Variants in SEMA3D observed in about 807,000 individuals in gnomAD.
SEMA3D encodes the protein semaphorin-3D.
SEMA3D carries 84 observed loss-of-function variants against 100.1 expected under a neutral mutation model. The observed-to-expected ratio is 0.84, with a 90% confidence interval of 0.70 to 1.01. SEMA3D has a LOEUF of 1.01. Among genes scored for constraint, SEMA3D ranks in the 50% least tolerant of loss-of-function variants. The pLI, the probability that SEMA3D is intolerant of heterozygous loss-of-function variation, is 0.00. For synonymous variants in SEMA3D, 312 were observed against 320.7 expected (o/e 0.97, Z 0.29); for missense variants, 875 against 934.1 (o/e 0.94, Z 0.82).
intron 2 of SEMA3D, among the ~76,000 whole-genome samples, chr7:85,145,796 A>G (rs1489091917): frequency 6.6e-6 from 1 of 152,164 alleles, no homozygotes; most frequent in Admixed American, 6.5e-5. Flanking sequence ...CTTGGATACC[A>G]AAATCTGCTG....
intron 1 of SEMA3D, chr7:85,181,639 A>G (rs1051418697): frequency 2.4e-4 from 44 of 185,824 alleles, no homozygotes; most frequent in African/African-American, 9.8e-4. Context: ...CTAACTCTCT[A>G]CTCCTGAAGT....
At position 85,097,709 on chromosome 7, in the gene SEMA3D, G is replaced by A. The variant is rs902440417; in HGVS notation, c.312+96C>T. The A allele has an allele frequency of 4.4e-6, 3 of 682,386 alleles. No individual in the cohort carries two copies. The African/African-American group carries it at 5.5e-5, about 13-fold the overall frequency. The allele number at this position is 682,386 out of a possible 1,614,324, so 42.3% of individuals were successfully genotyped here. A position where few individuals can be genotyped will look rare whatever the true frequency, so the allele number is the denominator to read the frequency against. On this transcript the variant is annotated intron_variant, in intron 4 of 18. Transcript: ENST00000284136. ...GACATGTATGTGATGCACTGCATTT[G>A]ACACTGTGTCCCTTAAAACAAAGCA...
chr7:85,163,638 T>A (rs189368579), intron 1 of SEMA3D, among the ~76,000 whole-genome samples: 3 of 152,206 alleles, frequency 2.0e-5, no homozygotes, highest in Admixed American at 2.0e-4. Context: ...CCAAGACAAT[T>A]TACTATGAAA....
At chr7:85,237,811 A>T in the SEMA3D span, among the ~76,000 whole-genome samples, 1 of 152,190 alleles carries the variant, frequency 6.6e-6, no homozygotes, top group Admixed American at 6.5e-5. Flanking sequence ...TAAAGAATGC[A>T]ATGACTGGAT....
chr7:85,129,286 C>A (rs1235812674), intron 2 of SEMA3D, among the ~76,000 whole-genome samples: 1 of 152,046 alleles, frequency 6.6e-6, no homozygotes, highest in Non-Finnish European at 1.5e-5. Context: ...GAGAAGAGCA[C>A]AACACCTACA....
chr7:85,114,488 G>T (rs1208714471), intron 3 of SEMA3D, among the ~76,000 whole-genome samples: 1 of 152,098 alleles, frequency 6.6e-6, no homozygotes, highest in Non-Finnish European at 1.5e-5. Context: ...TAACAAAGGT[G>T]ACTACTCTAT....
chr7:85,216,100 A>T, the SEMA3D span, among the ~76,000 whole-genome samples: 3 of 152,078 alleles, frequency 2.0e-5, no homozygotes, highest in Admixed American at 6.6e-5. Flanking sequence ...TTCATCAGAG[A>T]TGTCTTAAAA....
At chr7:85,220,713 A>G in the SEMA3D span, among the ~76,000 whole-genome samples, 1 of 152,094 alleles carries the variant, frequency 6.6e-6, no homozygotes, top group Non-Finnish European at 1.5e-5. Flanking sequence ...AAAATAATAC[A>G]TTACTCTTGC....
At chr7:85,081,773 A>G (rs1788073264) in intron 4 of SEMA3D, among the ~76,000 whole-genome samples, 194 bp from the exon 5 acceptor site, 2 of 152,210 alleles carry the variant, frequency 1.3e-5, no homozygotes, top group African/African-American at 4.8e-5. Context: ...AGTGTCTAGT[A>G]CTATCCATTT....
chr7:85,037,836 T>C (rs1483945318), intron 11 of SEMA3D, among the ~76,000 whole-genome samples: 6 of 152,134 alleles, frequency 3.9e-5, no homozygotes, highest in Non-Finnish European at 7.4e-5. Context: ...TTAAAAGATA[T>C]TTTCTTTGAG....
intron 3 of SEMA3D, among the ~76,000 whole-genome samples, chr7:85,113,311 T>C (rs184318404): frequency 6.6e-6 from 1 of 152,260 alleles, no homozygotes; most frequent in East Asian, 1.9e-4. Context: ...GTCATAAATA[T>C]GCGAGAATTC....
At chr7:85,063,670 C>A (rs1241097983) in intron 8 of SEMA3D, among the ~76,000 whole-genome samples, 1 of 152,144 alleles carries the variant, frequency 6.6e-6, no homozygotes, top group African/African-American at 2.4e-5. Flanking sequence ...GCAGTGGCCT[C>A]TTGTCTCTCT....
the SEMA3D span, among the ~76,000 whole-genome samples, chr7:85,193,561 C>T: frequency 1.3e-5 from 2 of 152,188 alleles, no homozygotes; most frequent in East Asian, 3.9e-4. Flanking sequence ...AAGGGATATA[C>T]TCAAAGCCAG....
intron 17 of SEMA3D, among the ~76,000 whole-genome samples, chr7:85,009,724 G>A (rs533144871): frequency 2.8e-4 from 43 of 151,722 alleles, no homozygotes; most frequent in Non-Finnish European, 5.8e-4. Flanking sequence ...TTTAATTATT[G>A]TTACTTCATT....
chr7:85,203,839 C>T, the SEMA3D span, among the ~76,000 whole-genome samples: 68 of 151,984 alleles, frequency 4.5e-4, no homozygotes, highest in African/African-American at 1.4e-3. Flanking sequence ...AACTTTGAAC[C>T]TAGTAGTAAT....
At chr7:85,084,593 C>CT (rs976133423) in intron 4 of SEMA3D, among the ~76,000 whole-genome samples, 6 of 149,402 alleles carry the variant, frequency 4.0e-5, no homozygotes, top group South Asian at 2.1e-4. Flanking sequence ...ATAATATTTT[C>CT]TTTTTTTTTC....
chr7:85,122,232 C>CAAAAAA (rs34627101), intron 2 of SEMA3D, among the ~76,000 whole-genome samples: 1 of 144,048 alleles, frequency 6.9e-6, no homozygotes, highest in Non-Finnish European at 1.5e-5. Context: ...ACTTAAAGTA[C>CAAAAAA]AAAAAAAAAA....
chr7:85,085,334 C>T (rs1172157501), intron 4 of SEMA3D, among the ~76,000 whole-genome samples: 1 of 151,958 alleles, frequency 6.6e-6, no homozygotes, highest in Non-Finnish European at 1.5e-5. Context: ...TACTTCAAAT[C>T]ATAGTATTGG....
chr7:85,036,425 A>G (rs1325140135), intron 12 of SEMA3D, among the ~76,000 whole-genome samples: 2 of 152,278 alleles, frequency 1.3e-5, no homozygotes, highest in East Asian at 3.9e-4. Flanking sequence ...CTAAGGTACA[A>G]TTAAGTGAAG....
Sources: allele counts gnomAD v4.1 joint callset (sites outside exome capture counted in the v4.1 genomes callset), GRCh38; gene constraint gnomAD v4.1.1; transcripts MANE v1.5; gene names NCBI Gene and HGNC (gene_info 2026-07-23, HGNC 2026-07-21).